The following CDC5L variants were observed in gnomAD, a reference collection of about 807,000 sequenced individuals.
CDC5L encodes the protein cell division cycle 5-like protein.
In CDC5L, 18 loss-of-function variants were observed where a neutral mutation model predicts 104.1. The ratio of observed to expected loss-of-function variants is 0.17; its 90% confidence interval spans 0.12 to 0.26. CDC5L has a LOEUF of 0.26. CDC5L is among the 10% of genes least tolerant of loss of function. CDC5L has a pLI of 1.00. For missense variants in CDC5L, 673 were observed against 956.9 expected, an observed-to-expected ratio of 0.70 and a Z score of 3.91; for synonymous variants, 331 against 322.7, an observed-to-expected ratio of 1.03 and a Z score of -0.28.
chr6:44,410,753 A>G (rs1791587554), intron 8 of CDC5L, among the ~76,000 whole-genome samples: 4 of 152,152 alleles, frequency 2.6e-5, no homozygotes, highest in Admixed American at 2.6e-4. Flanking sequence ...GGTCTTTTTC[A>G]ACCACTGTGG....
At position 44,406,353 on chromosome 6, in the gene CDC5L, C is replaced by T; in HGVS notation, c.789C>T (p.Asp263=). The T allele has an allele frequency of 1.9e-6, 3 of 1,607,050 alleles. No individual in the cohort carries two copies. The highest frequency in any genetic ancestry group is 2.6e-6 in the Non-Finnish European group (3 of 1,175,068). ...SEKEGRDRKK[D]KQHLKRKKES... is the part of the protein sequence containing the mutation. ...AAGAAGGAAGAGATAGAAAAAAAGACAAACAGCATTTGAAAAGGAAAAAAG... is the reference window on the plus strand; with the variant it reads ...AAGAAGGAAGAGATAGAAAAAAAGATAAACAGCATTTGAAAAGGAAAAAAG... Residue 263 remains aspartate, a synonymous_variant, in exon 7 of 16, where the codon GAC becomes GAT. Transcript: ENST00000371477.
chr6:44,406,355 A>G lies in CDC5L; in HGVS notation c.791A>G (p.Lys264Arg), dbSNP rs764087079. The change falls in exon 7 of 16, where the codon AAA becomes AGA. Residue 264 changes from lysine to arginine, a missense_variant. Physicochemically the swap from Lys to Arg is conservative, Grantham distance 26 (BLOSUM62 2). Transcript: ENST00000371477. ...GAAGGAAGAGATAGAAAAAAAGACA[A>G]ACAGCATTTGAAAAGGAAAAAAGAA... Reference protein sequence around the residue: ...EKEGRDRKKDKQHLKRKKESD... With the variant: ...EKEGRDRKKDRQHLKRKKESD... 1 of 1,607,836 alleles carries G rather than the reference A, an allele frequency of 6.2e-7. No individual in the cohort carries two copies. Among genetic ancestry groups the G allele is most frequent in the Admixed American group, 1.7e-5 (1 of 59,710 alleles).
chr6:44,405,606 TTA>T, intron 6 of CDC5L, among the ~76,000 whole-genome samples: 1 of 152,354 alleles, frequency 6.6e-6, no homozygotes. Flanking sequence ...GGAAATTTAA[TTA>T]TGTTTTAATT....
chr6:44,395,509 C>A (rs1490867288), intron 4 of CDC5L, among the ~76,000 whole-genome samples: 1 of 152,194 alleles, frequency 6.6e-6, no homozygotes, highest in Non-Finnish European at 1.5e-5. Flanking sequence ...AATACTAATA[C>A]CTGCTTTACC....
chr6:44,390,081 T>G (rs1372627516), intron 1 of CDC5L, among the ~76,000 whole-genome samples, 187 bp from the exon 2 acceptor site: 3 of 152,230 alleles, frequency 2.0e-5, no homozygotes, highest in African/African-American at 7.2e-5. Context: ...TTCTTCTTAA[T>G]TTCTCAATTC....
intron 8 of CDC5L, among the ~76,000 whole-genome samples, chr6:44,415,393 G>C (rs12527053): frequency 0.052 from 7,973 of 152,202 alleles, 423 homozygotes; most frequent in Admixed American, 0.18. Flanking sequence ...TTGGAATTGG[G>C]TTTAGCTGTA....
rs9349286 is a variant in CDC5L at position 44,450,329 on chromosome 6, A to C, written c.*3618A>C. 6.6e-6 allele frequency: 1 copy of C among 152,186 alleles called. No homozygotes were observed. The highest frequency in any genetic ancestry group is 2.4e-5 in the African/African-American group (1 of 41,450). The allele number at this position is 152,186 out of a possible 1,614,324, so 9.4% of individuals were successfully genotyped here. A position where few individuals can be genotyped will look rare whatever the true frequency, so the allele number is the denominator to read the frequency against. ...TTTTGAGTTCACAGTGCTTTCTGGAAATAATTTCTTTATAACTGTCAGTTT... is the reference window on the plus strand; with the variant it reads ...TTTTGAGTTCACAGTGCTTTCTGGACATAATTTCTTTATAACTGTCAGTTT... On this transcript the variant is annotated 3_prime_UTR_variant, in exon 16 of 16. Transcript: ENST00000371477.
At chr6:44,413,981 T>C (rs1250374517) in intron 8 of CDC5L, among the ~76,000 whole-genome samples, 1 of 152,254 alleles carries the variant, frequency 6.6e-6, no homozygotes, top group African/African-American at 2.4e-5. Flanking sequence ...CATCTTGTAA[T>C]CAAACAGATC....
intron 8 of CDC5L, among the ~76,000 whole-genome samples, chr6:44,414,098 G>A (rs2153379415): frequency 6.6e-6 from 1 of 152,174 alleles, no homozygotes; most frequent in African/African-American, 2.4e-5. Flanking sequence ...TGTTGTTATT[G>A]AGACAGGGTC....
In CDC5L at chr6:44,404,350, T is replaced by C. The variant is rs2153376812; in HGVS notation, c.758+323T>C. ...TTTTGTAGGGTGGGATCTCCTTTTGTTGTGCAGACTGGTCTCAAACTCCTG... is the reference window on the plus strand; with the variant it reads ...TTTTGTAGGGTGGGATCTCCTTTTGCTGTGCAGACTGGTCTCAAACTCCTG... On this transcript the variant is annotated intron_variant, in intron 6 of 15. Coordinates refer to ENST00000371477, the MANE Select transcript of CDC5L (RefSeq NM_001253.4). Among the ~76,000 whole-genome samples the C allele has an allele frequency of 2.0e-5, 3 of 152,076 alleles. No homozygotes were observed. The East Asian group carries it at 5.8e-4, about 29-fold the overall frequency.
At position 44,426,517 on chromosome 6, in the gene CDC5L, A is replaced by G; in HGVS notation, c.1686A>G (p.Glu562=). Residue 562 remains glutamate (E), a synonymous_variant, in exon 13 of 16, where the codon GAA becomes GAG. Transcript: ENST00000371477. The part of the protein sequence containing the change: ...NETILRPLNV[E]PPLTDLQKSE... ...CTATTCTAAGACCCTTAAATGTAGA[A>G]CCGCCTTTAACAGATTTACAGAAAA... 6.4e-7 allele frequency: 1 copy of G among 1,573,852 alleles called. No homozygotes were observed. The highest frequency in any genetic ancestry group is 8.7e-7 in the Non-Finnish European group (1 of 1,143,900).
intron 14 of CDC5L, 108 bp downstream of exon 14, chr6:44,430,018 G>A: frequency 1.3e-6 from 1 of 776,308 alleles, no homozygotes; most frequent in East Asian, 2.7e-5. Context: ...GGTGCTTATT[G>A]CCTTTTTAGT....
In CDC5L at chr6:44,403,835, G is replaced by A; in HGVS notation, c.566G>A (p.Arg189Lys). ...ARRLAALQKR[R>K]ELRAAGIEIQ... ...CGTCTTGCTGCCCTCCAAAAAAGAAGAGAACTTCGAGCAGCTGGCATAGAA... is the reference window on the plus strand; with the variant it reads ...CGTCTTGCTGCCCTCCAAAAAAGAAAAGAACTTCGAGCAGCTGGCATAGAA... The change falls in exon 6 of 16, where the codon AGA becomes AAA. Residue 189 changes from arginine (R) to lysine (K), a missense_variant. Arg to Lys is a conservative substitution (Grantham distance 26). Coordinates refer to ENST00000371477, the MANE Select transcript of CDC5L (RefSeq NM_001253.4). 6.2e-7 allele frequency: 1 copy of A among 1,609,448 alleles called. No individual in the cohort carries two copies. Among genetic ancestry groups the A allele is most frequent in the Non-Finnish European group, 8.5e-7 (1 of 1,178,916 alleles).
intron 14 of CDC5L, among the ~76,000 whole-genome samples, chr6:44,437,873 T>C (rs1793005346): frequency 6.6e-6 from 1 of 152,254 alleles, no homozygotes; most frequent in Non-Finnish European, 1.5e-5. Context: ...AATTCTTTGC[T>C]GTTAAGGTTT....
chr6:44,387,988 G>A (rs1052015266), intron 1 of CDC5L, 120 bp downstream of exon 1: 1 of 877,992 alleles, frequency 1.1e-6, no homozygotes, highest in Non-Finnish European at 1.8e-6. Context: ...AGGGCAGCCC[G>A]GGGGCTGACC....
chr6:44,391,139 T>TTG (rs564104690), intron 2 of CDC5L, among the ~76,000 whole-genome samples: 23 of 141,848 alleles, frequency 1.6e-4, no homozygotes, highest in South Asian at 2.2e-4. Context: ...ATGTTATATA[T>TTG]TATATATTAA....
chr6:44,426,046 C>A, intron 11 of CDC5L, 57 bp from the exon 12 acceptor site: 1 of 1,180,142 alleles, frequency 8.5e-7, no homozygotes, highest in Non-Finnish European at 1.2e-6. Flanking sequence ...TTTAGCTTTA[C>A]TGAGAGATAT....
chr6:44,410,277 T>C (rs1561972013), intron 8 of CDC5L, among the ~76,000 whole-genome samples: 1 of 152,220 alleles, frequency 6.6e-6, no homozygotes, highest in Non-Finnish European at 1.5e-5. Flanking sequence ...TCTGTGAGTT[T>C]GACTTTTTTA....
At chr6:44,440,628 T>C (rs1477594306) in intron 14 of CDC5L, among the ~76,000 whole-genome samples, 1 of 152,092 alleles carries the variant, frequency 6.6e-6, no homozygotes, top group Non-Finnish European at 1.5e-5. Context: ...TACACATATG[T>C]GAAGTGATTA....
Sources: gnomAD v4.1 joint callset for allele counts (sites outside exome capture counted in the v4.1 genomes callset) on GRCh38, gnomAD v4.1.1 for gene constraint, MANE v1.5 for transcripts, NCBI Gene and HGNC (gene_info 2026-07-23, HGNC 2026-07-21) for gene names.